GALNT17: variants seen among roughly 807,000 people sequenced by gnomAD.
GALNT17 encodes the protein UDP-GalNAc:polypeptide N-acetylgalactosaminyltransferase-like 3.
GALNT17 carries 29 observed loss-of-function variants against 63.7 expected under a neutral mutation model. The ratio of observed to expected loss-of-function variants is 0.46; its 90% CI spans 0.34 to 0.62. The LOEUF is 0.62. Among genes scored for constraint, GALNT17 ranks in the 20% least tolerant of loss-of-function variants. The probability of loss-of-function intolerance (pLI) is 0.01; values close to 1 mark genes in which losing one functional copy is unlikely to be tolerated. For missense variants in GALNT17, 603 were observed against 799.6 expected, an observed-to-expected ratio of 0.75 and a Z score of 2.97; for synonymous variants, 305 against 318.3, an observed-to-expected ratio of 0.96 and a Z score of 0.45.
chr7:71,326,185 C>T (rs991303313), intron 1 of GALNT17, among the ~76,000 whole-genome samples: 1 of 152,094 alleles, frequency 6.6e-6, no homozygotes, highest in Non-Finnish European at 1.5e-5. Flanking sequence ...TGGATGGGTA[C>T]AGTGGCTCAT....
At chr7:71,567,718 C>T (rs1789372680) in intron 5 of GALNT17, among the ~76,000 whole-genome samples, 1 of 152,230 alleles carries the variant, frequency 6.6e-6, no homozygotes, top group South Asian at 2.1e-4. Flanking sequence ...CCACTTCAGC[C>T]TCCCAAAGTG....
intron 1 of GALNT17, among the ~76,000 whole-genome samples, chr7:71,229,292 A>G (rs906943060): frequency 6.6e-6 from 1 of 152,190 alleles, no homozygotes; most frequent in African/African-American, 2.4e-5. Context: ...TGCAGCCAGA[A>G]GGCTGTCAAC....
chr7:71,356,757 A>T (rs537374006), intron 2 of GALNT17, among the ~76,000 whole-genome samples: 1 of 152,116 alleles, frequency 6.6e-6, no homozygotes, highest in Non-Finnish European at 1.5e-5. Context: ...AATATCCAAA[A>T]CATAGCATAT....
chr7:71,335,051 TC>T (rs1350275089), intron 1 of GALNT17, among the ~76,000 whole-genome samples: 1 of 152,216 alleles, frequency 6.6e-6, no homozygotes, highest in Non-Finnish European at 1.5e-5. Flanking sequence ...TCCTCATTTC[TC>T]CCAGTTTAGA....
intron 1 of GALNT17, among the ~76,000 whole-genome samples, chr7:71,264,027 G>A (rs1291274442): frequency 6.6e-6 from 1 of 152,204 alleles, no homozygotes; most frequent in Non-Finnish European, 1.5e-5. Flanking sequence ...TGATACTGCT[G>A]GTCTTGGGGA....
chr7:71,494,448 C>T (rs140644488), intron 5 of GALNT17, among the ~76,000 whole-genome samples: 29 of 152,172 alleles, frequency 1.9e-4, no homozygotes, highest in African/African-American at 5.3e-4. Context: ...GTGGTTCATA[C>T]GATCCTCCTG....
chr7:71,604,660 A>G (rs574443286), intron 6 of GALNT17, among the ~76,000 whole-genome samples: 1 of 152,310 alleles, frequency 6.6e-6, no homozygotes, highest in East Asian at 1.9e-4. Context: ...TCAAGCTTTA[A>G]TACAATGCTT....
intron 1 of GALNT17, among the ~76,000 whole-genome samples, chr7:71,251,395 C>T (rs746004511): frequency 6.6e-6 from 1 of 152,164 alleles, no homozygotes; most frequent in Non-Finnish European, 1.5e-5. Flanking sequence ...AGTGGGTCTG[C>T]ATCCATATTT....
In GALNT17 at chr7:71,329,573, G is replaced by A. The variant is rs370465420; in HGVS notation, c.239-5977G>A. Among the ~76,000 whole-genome samples the A allele has an allele frequency of 1.1e-4, 16 of 152,140 alleles. No individual in the cohort carries two copies. In the East Asian group the frequency reaches 2.1e-3, roughly 20 times the overall value. On this transcript the variant is annotated intron_variant, in intron 1 of 10. Coordinates refer to ENST00000333538, the MANE Select transcript of GALNT17 (RefSeq NM_022479.3). Reference sequence around the variant, plus strand: ...TTCCGCAGGCTGTACAGGAAGCATGGTTTGGAGGCCTCAGGAAACTTAGAA... The same window carrying A: ...TTCCGCAGGCTGTACAGGAAGCATGATTTGGAGGCCTCAGGAAACTTAGAA...
At chr7:71,186,129 C>A (rs1788845765) in intron 1 of GALNT17, among the ~76,000 whole-genome samples, 1 of 152,186 alleles carries the variant, frequency 6.6e-6, no homozygotes, top group South Asian at 2.1e-4. Context: ...GTGTATGCAA[C>A]CCACATTTTT....
At chr7:71,675,743 T>C (rs1791139936) in intron 8 of GALNT17, among the ~76,000 whole-genome samples, 1 of 152,150 alleles carries the variant, frequency 6.6e-6, no homozygotes, top group Non-Finnish European at 1.5e-5. Flanking sequence ...TCCCAGCACT[T>C]TGGGAGGCCA....
rs370398388 is a variant in GALNT17, at chr7:71,196,965, A to T, written c.238+63925A>T. On this transcript the variant is annotated intron_variant, in intron 1 of 10. Transcript: ENST00000333538. ...CACTATGCCCCGCCAATTTTTTTTTAAAAAATTTATTTTTAATTTTTGTGG... is the reference window on the plus strand; with the variant it reads ...CACTATGCCCCGCCAATTTTTTTTTTAAAAATTTATTTTTAATTTTTGTGG... Among the ~76,000 whole-genome samples, 128 of 143,228 alleles carry T rather than the reference A, an allele frequency of 8.9e-4. 2 individuals are homozygous for T. The highest frequency in any genetic ancestry group is 2.6e-3 in the African/African-American group (100 of 38,224). The allele number at this position is 143,228 out of a possible 152,430, so 94.0% of individuals were successfully genotyped here.
At chr7:71,317,390 A>G (rs12699012) in intron 1 of GALNT17, among the ~76,000 whole-genome samples, 9,557 of 152,310 alleles carry the variant, frequency 0.063, 325 homozygotes, top group Non-Finnish European at 0.086. Flanking sequence ...AAGATGTTGC[A>G]GACGTTGATT....
intron 1 of GALNT17, among the ~76,000 whole-genome samples, chr7:71,191,100 A>C (rs75963259): frequency 3.2e-3 from 486 of 152,256 alleles, no homozygotes; most frequent in Non-Finnish European, 5.4e-3. Context: ...CACAGACCTT[A>C]AGTGTAGTTT....
intron 5 of GALNT17, among the ~76,000 whole-genome samples, chr7:71,449,923 C>T (rs1787228240): frequency 6.6e-6 from 1 of 151,598 alleles, no homozygotes; most frequent in South Asian, 2.1e-4. Flanking sequence ...TACCTGTAAT[C>T]CCAGCTACTC....
chr7:71,468,190 G>T (rs1787569130), intron 5 of GALNT17, among the ~76,000 whole-genome samples: 1 of 151,952 alleles, frequency 6.6e-6, no homozygotes, highest in Non-Finnish European at 1.5e-5. Flanking sequence ...ACCACACCTG[G>T]CTAGTTTTTA....
intron 1 of GALNT17, among the ~76,000 whole-genome samples, chr7:71,263,934 A>T (rs1395112927): frequency 1.3e-5 from 2 of 152,168 alleles, no homozygotes; most frequent in African/African-American, 4.8e-5. Context: ...AAAAAAACAA[A>T]AAAACAACTT....
intron 1 of GALNT17, among the ~76,000 whole-genome samples, chr7:71,180,416 C>T (rs773237652): frequency 9.9e-5 from 15 of 152,222 alleles, no homozygotes; most frequent in Non-Finnish European, 1.6e-4. Context: ...CGTGAACCAC[C>T]GCACCCAGCT....
At chr7:71,516,237 A>G (rs1273620491) in intron 5 of GALNT17, among the ~76,000 whole-genome samples, 5 of 152,128 alleles carry the variant, frequency 3.3e-5, no homozygotes, top group African/African-American at 1.2e-4. Flanking sequence ...CTTTCCATTT[A>G]GGAAAAAAAA....
Sources: allele counts gnomAD v4.1 joint callset (sites outside exome capture counted in the v4.1 genomes callset), GRCh38; gene constraint gnomAD v4.1.1; transcripts MANE v1.5; gene names NCBI Gene and HGNC (gene_info 2026-07-23, HGNC 2026-07-21).